The following EPHA8 variants were observed in gnomAD, a reference collection of about 807,000 sequenced individuals.
The protein encoded by EPHA8 is EPH receptor A8, also known as ephrin type-A receptor 8.
In EPHA8, 58 loss-of-function variants were observed where a neutral mutation model predicts 103.6. That is an observed-to-expected ratio of 0.56 (90% confidence interval 0.45 to 0.70). The LOEUF (loss-of-function observed/expected upper bound fraction) is 0.70. Among genes scored for constraint, EPHA8 ranks in the 30% least tolerant of loss-of-function variants. The probability of loss-of-function intolerance (pLI) is 0.00; values close to 1 mark genes in which losing one functional copy is unlikely to be tolerated. For synonymous variants in EPHA8, 559 were observed against 572.5 expected (o/e 0.98, Z 0.34); for missense variants, 1,304 against 1,395.2 (o/e 0.93, Z 1.04).
intron 8 of EPHA8, among the ~76,000 whole-genome samples, chr1:22,595,666 G>A (rs1641497365): frequency 6.6e-6 from 1 of 152,204 alleles, no homozygotes; most frequent in Admixed American, 6.5e-5. Context: ...AGACAGGATA[G>A]TGTGTGGGCT....
At chr1:22,592,890 G>A (rs1257106646) in intron 5 of EPHA8, among the ~76,000 whole-genome samples, 1 of 152,168 alleles carries the variant, frequency 6.6e-6, no homozygotes, top group African/African-American at 2.4e-5. Flanking sequence ...AATACTTGGG[G>A]CTCAGCTCAC....
At chr1:22,572,072 C>T (rs2124514089) in intron 2 of EPHA8, among the ~76,000 whole-genome samples, 1 of 152,280 alleles carries the variant, frequency 6.6e-6, no homozygotes, top group Admixed American at 6.5e-5. Flanking sequence ...GATTCTCCTG[C>T]CCAGCTGGGA....
intron 1 of EPHA8, among the ~76,000 whole-genome samples, chr1:22,568,872 T>C (rs971141995): frequency 6.6e-6 from 1 of 152,198 alleles, no homozygotes; most frequent in Non-Finnish European, 1.5e-5. Flanking sequence ...GGAATTGTTA[T>C]CACCCCATTT....
chr1:22,576,988 C>A lies in EPHA8; in HGVS notation c.823+108C>A. The stretch of plus-strand genomic sequence containing the variant: ...TCAGAGCCCACAGGCACCTGAGTGA[C>A]CCACACAGCCCCTGGGAAGATGGAT... On this transcript the variant is annotated intron_variant, in intron 3 of 16. Transcript: ENST00000166244. This position sits in a 1 kb window ranked among gnomAD's most constrained non-coding sequence, Gnocchi z 4.8. 1 of 1,246,306 alleles carries A rather than the reference C, an allele frequency of 8.0e-7. No homozygotes were observed. Among genetic ancestry groups the A allele is most frequent in the Non-Finnish European group, 1.1e-6 (1 of 924,250 alleles). 77.2% of individuals were successfully genotyped at this position (1,246,306 alleles called of 1,614,324 possible).
chr1:22,586,058 C>T (rs1641195987), intron 3 of EPHA8, among the ~76,000 whole-genome samples: 1 of 152,188 alleles, frequency 6.6e-6, no homozygotes, highest in East Asian at 1.9e-4. Context: ...TGATCCTCAG[C>T]CCCATGGCCC....
In EPHA8 at chr1:22,576,696, C is replaced by T. The variant is rs1025657342; in HGVS notation, c.639C>T (p.Ala213=). 2 of 1,613,954 alleles carry T rather than the reference C, an allele frequency of 1.2e-6. No homozygotes were observed. ...KCPAMVRNLA[A]FSEAVTGADS... ...CTGCCATGGTGCGCAATCTGGCTGC[C>T]TTCTCGGAGGCAGTGACGGGGGCCG... The change falls in exon 3 of 17, where the codon GCC becomes GCT. Residue 213 remains alanine (A), a synonymous_variant. Coordinates refer to ENST00000166244, the MANE Select transcript of EPHA8 (RefSeq NM_020526.5). This position sits in a 1 kb window ranked among gnomAD's most constrained non-coding sequence, Gnocchi z 4.8.
chr1:22,588,549 C>T (rs891287182), intron 4 of EPHA8, among the ~76,000 whole-genome samples: 2 of 145,602 alleles, frequency 1.4e-5, no homozygotes, highest in Non-Finnish European at 3.0e-5. Context: ...TGGGCACCCC[C>T]GGGACTGTGC....
At chr1:22,578,047 A>ACC (rs1640798517) in intron 3 of EPHA8, among the ~76,000 whole-genome samples, 1 of 42,800 alleles carries the variant, frequency 2.3e-5, no homozygotes, top group African/African-American at 8.2e-5. Flanking sequence ...ATGTATGTGC[A>ACC]TGTGTGTGCA....
chr1:22,581,359 A>G (rs1641042021), intron 3 of EPHA8, among the ~76,000 whole-genome samples: 1 of 152,356 alleles, frequency 6.6e-6, no homozygotes, highest in East Asian at 1.9e-4. Context: ...CACCGTCCCC[A>G]AGTCTGGATT....
chr1:22,579,103 ATGTGTGCATGTGTACGTGTATGTGTG>A (rs1640946671), intron 3 of EPHA8, among the ~76,000 whole-genome samples: 8 of 97,610 alleles, frequency 8.2e-5, no homozygotes, highest in African/African-American at 4.6e-4. Context: ...GTGCATGTGT[ATGTGTGCATGTGTACGTGTATGTGTG>A]CATGTGTGTG....
Position 22,600,803 on chromosome 1 carries a change from A to G in EPHA8, c.2531A>G (p.Asn844Ser). The change falls in exon 14 of 17, where the codon AAC becomes AGC. Residue 844 changes from asparagine to serine, a missense_variant. Transcript: ENST00000166244. ...GAGCGGCCCTACTGGAACATGACCA[A>G]CCGGGATGTGAGTGCCAAGCCCTGG... Reference protein sequence around the residue: ...YGERPYWNMTNRDVISSVEEG... With the variant: ...YGERPYWNMTSRDVISSVEEG... 1 of 1,606,388 alleles carries G rather than the reference A, an allele frequency of 6.2e-7. No homozygotes were observed.
chr1:22,598,823 C>T lies in EPHA8; in HGVS notation c.2179-15C>T. ...CGCCGGGCTTTCCTGAAGTCCAAGC[C>T]ATGTCCCCCTGCAGACCCACGACGG... On this transcript the variant is annotated splice_polypyrimidine_tract_variant and intron_variant, in intron 12 of 16. Coordinates refer to ENST00000166244, the MANE Select transcript of EPHA8 (RefSeq NM_020526.5). This position sits in a 1 kb window ranked among gnomAD's most constrained non-coding sequence, Gnocchi z 5.1. The T allele has an allele frequency of 6.2e-7, 1 of 1,610,276 alleles. No homozygotes were observed. The highest frequency in any genetic ancestry group is 8.5e-7 in the Non-Finnish European group (1 of 1,178,304).
In EPHA8 at chr1:22,576,210, C is replaced by G. The variant is rs1557555518; in HGVS notation, c.160-7C>G. The G allele has an allele frequency of 6.3e-7, 1 of 1,598,802 alleles. No individual in the cohort carries two copies. Among genetic ancestry groups the G allele is most frequent in the Admixed American group, 1.7e-5 (1 of 59,174 alleles). The stretch of plus-strand genomic sequence containing the variant: ...TGCTGTAGTGGCTGTGTTCTCTCTG[C>G]CCACAGTGGGACTCCATCAACGAGG... On this transcript the variant is annotated splice_region_variant and splice_polypyrimidine_tract_variant and intron_variant, in intron 2 of 16. Coordinates refer to ENST00000166244, the MANE Select transcript of EPHA8 (RefSeq NM_020526.5). The surrounding 1 kb of genome is among the most constrained non-coding windows in gnomAD (Gnocchi z 4.8).
At position 22,600,822 on chromosome 1, in the gene EPHA8, G is replaced by T; in HGVS notation, c.2538+12G>T. The T allele has an allele frequency of 6.3e-7, 1 of 1,597,988 alleles. No homozygotes were observed. The highest frequency in any genetic ancestry group is 1.7e-4 in the Middle Eastern group (1 of 5,990). ...TGACCAACCGGGATGTGAGTGCCAA[G>T]CCCTGGCAGGTCCGCGGGCGGTGGA... On this transcript the variant is annotated intron_variant, in intron 14 of 16. Transcript: ENST00000166244.
chr1:22,585,819 C>G (rs652125), intron 3 of EPHA8, among the ~76,000 whole-genome samples: 7,722 of 152,210 alleles, frequency 0.051, 657 homozygotes, highest in African/African-American at 0.18. Flanking sequence ...TGGATAGTCA[C>G]CCTCCCATGG....
chr1:22,599,655 GAAAGGAGGGAGGGAGGA>G lies in EPHA8; in HGVS notation c.2388+610_2388+626del, dbSNP rs1366598432. ...GAAGGAAGGGAGGGAGGGAAGGAAGGAAAGGAGGGAGGGAGGAAGGAGGGAAGGAAGGAAAGGAGGGA... is the reference window on the plus strand; with the variant it reads ...GAAGGAAGGGAGGGAGGGAAGGAAGGAGGAGGGAAGGAAGGAAAGGAGGGA... On this transcript the variant is annotated intron_variant, in intron 13 of 16. Coordinates refer to ENST00000166244, the MANE Select transcript of EPHA8 (RefSeq NM_020526.5). 9.3e-5 allele frequency among the ~76,000 whole-genome samples: 5 copies of G among 53,844 alleles called. No homozygotes were observed. In the South Asian group the frequency reaches 2.5e-3, roughly 27 times the overall value. 35.3% of individuals were successfully genotyped at this position (53,844 alleles called of 152,430 possible). A position where few individuals can be genotyped will look rare whatever the true frequency, so the allele number is the denominator to read the frequency against.
At position 22,593,535 on chromosome 1, in the gene EPHA8, G is replaced by A. The variant is rs751569232; in HGVS notation, c.1452G>A (p.Met484Ile). 5 of 1,612,340 alleles carry A rather than the reference G, an allele frequency of 3.1e-6. No individual in the cohort carries two copies. Among genetic ancestry groups the A allele is most frequent in the South Asian group, 2.2e-5 (2 of 90,930 alleles). ...EIKYYEKDKE[M>I]QSYSTLKAVT... is the part of the protein sequence containing the mutation. ...CCGTCCCGTGGCAGGACAAGGAGAT[G>A]CAGAGCTACTCCACCCTCAAGGCCG... The change falls in exon 7 of 17, where the codon ATG becomes ATA. Residue 484 changes from methionine (M) to isoleucine (I), a missense_variant. Coordinates refer to ENST00000166244, the MANE Select transcript of EPHA8 (RefSeq NM_020526.5).
Position 22,600,722 on chromosome 1 carries a change from C to T in EPHA8, c.2450C>T (p.Ser817Leu), listed in dbSNP as rs755230170. ...GCCATCGCCTTCCGCACCTTCTCCT[C>T]GGCCAGCGACGTGTGGAGCTTCGGC... is the stretch of plus-strand genomic sequence containing the variant. ...PEAIAFRTFSSASDVWSFGVV... is the reference protein window; with the variant it reads ...PEAIAFRTFSLASDVWSFGVV... The change falls in exon 14 of 17, where the codon TCG becomes TTG. Residue 817 changes from serine to leucine, a missense_variant. Physicochemically the swap from Ser to Leu is moderately radical, Grantham distance 145. Transcript: ENST00000166244. The T allele has an allele frequency of 2.2e-5, 35 of 1,613,490 alleles. No individual in the cohort carries two copies. In the East Asian group the frequency reaches 3.6e-4, roughly 16 times the overall value.
chr1:22,568,927 C>T (rs1369651199), intron 1 of EPHA8, among the ~76,000 whole-genome samples: 1 of 152,182 alleles, frequency 6.6e-6, no homozygotes, highest in Non-Finnish European at 1.5e-5. Context: ...GGGGCTTGCC[C>T]AGGGACTCAC....
Sources: gnomAD v4.1 joint callset for allele counts (sites outside exome capture counted in the v4.1 genomes callset) on GRCh38, gnomAD v4.1.1 for gene constraint, Gnocchi (gnomAD v3.1) non-coding constraint, MANE v1.5 for transcripts, NCBI Gene and HGNC (gene_info 2026-07-23, HGNC 2026-07-21) for gene names.